PTGIR: variants seen among roughly 807,000 people sequenced by gnomAD.
PTGIR encodes prostacyclin receptor.
In PTGIR, 16 loss-of-function variants were observed where a neutral mutation model predicts 17.6. The observed-to-expected ratio is 0.91, with a 90% CI of 0.61 to 1.38. The LOEUF (loss-of-function observed/expected upper bound fraction) is 1.38. PTGIR is among the 40% of genes most tolerant of loss of function. The probability of loss-of-function intolerance (pLI) is 0.00; values close to 1 mark genes in which losing one functional copy is unlikely to be tolerated. For synonymous variants in PTGIR, 274 were observed against 255.4 expected (o/e 1.07, Z -0.69); for missense variants, 532 against 548.6 (o/e 0.97, Z 0.30).
chr19:46,612,716 G>C, the PTGIR span, among the ~76,000 whole-genome samples: 1 of 152,188 alleles, frequency 6.6e-6, no homozygotes, highest in African/African-American at 2.4e-5. Context: ...TGGCGTCCCA[G>C]TGGTGGGGTC....
the PTGIR span, among the ~76,000 whole-genome samples, chr19:46,612,853 A>C: frequency 6.6e-6 from 1 of 152,122 alleles, no homozygotes; most frequent in Non-Finnish European, 1.5e-5. Context: ...ACTCACTCAC[A>C]AGAGTGAGTC....
downstream of PTGIR, among the ~76,000 whole-genome samples, chr19:46,616,600 G>A (rs1971966551): frequency 1.3e-5 from 2 of 151,978 alleles, no homozygotes; most frequent in African/African-American, 2.4e-5. Flanking sequence ...CCAAAGTGCT[G>A]GGATTACAGG....
intron 1 of PTGIR, 181 bp from the exon 2 acceptor site, chr19:46,624,418 G>C (rs2122360827): frequency 2.1e-6 from 1 of 471,742 alleles, no homozygotes; most frequent in Non-Finnish European, 3.7e-6. Context: ...ATCTCTCTCT[G>C]TCTCTCCCCA....
chr19:46,623,199 G>T, intron 2 of PTGIR: 1 of 360,946 alleles, frequency 2.8e-6, no homozygotes, highest in Non-Finnish European at 5.0e-6. Flanking sequence ...GTTTCATCAT[G>T]TTGGCCAGAC....
Position 46,620,913 on chromosome 19 carries a change from A to G in PTGIR, c.*367T>C, listed in dbSNP as rs769627504. On this transcript the variant is annotated 3_prime_UTR_variant, in exon 3 of 3. Transcript: ENST00000291294. Reference sequence around the variant, plus strand: ...GTGGGCAGTTGGGCCTCCTAAGTGGACGCAGATTGGAGCCAGCACCCAGAC... The same window carrying G: ...GTGGGCAGTTGGGCCTCCTAAGTGGGCGCAGATTGGAGCCAGCACCCAGAC... 28 of 1,004,230 alleles carry G rather than the reference A, an allele frequency of 2.8e-5. No individual in the cohort carries two copies. Among genetic ancestry groups the G allele is most frequent in the Non-Finnish European group, 3.3e-5 (28 of 842,764 alleles). The allele number at this position is 1,004,230 out of a possible 1,614,324, so 62.2% of individuals were successfully genotyped here.
At chr19:46,614,263 T>C in the PTGIR span, 6 of 634,954 alleles carry the variant, frequency 9.4e-6, no homozygotes, top group Non-Finnish European at 1.2e-5. Context: ...AGAGGGTGGC[T>C]CTGGGGCCAC....
Position 46,623,538 on chromosome 19 carries a change from T to C in PTGIR, c.688A>G (p.Thr230Ala). The change falls in exon 2 of 3, where the codon ACC becomes GCC. Residue 230 changes from threonine to alanine, a missense_variant. Coordinates refer to ENST00000291294, the MANE Select transcript of PTGIR (RefSeq NM_000960.4). ...AGGTGGTCCACCTCGTCCTCTCCGG[T>C]GCGCGGCCGTGGACCCAGAGAGCCC... is the stretch of plus-strand genomic sequence containing the variant. The part of the protein sequence containing the change: ...HQGSLGPRPR[T>A]GEDEVDHLIL... The C allele has an allele frequency of 6.4e-7, 1 of 1,559,538 alleles. No homozygotes were observed. Among genetic ancestry groups the C allele is most frequent in the Non-Finnish European group, 8.7e-7 (1 of 1,151,454 alleles).
chr19:46,620,403 A>G (rs1463500220), downstream of PTGIR: 14 of 982,276 alleles, frequency 1.4e-5, no homozygotes, highest in South Asian at 3.8e-4. Context: ...TGCCCAGCCA[A>G]GTATCTGTTG....
At chr19:46,615,497 G>A (rs1355677825), downstream of PTGIR, among the ~76,000 whole-genome samples, 2 of 152,076 alleles carry the variant, frequency 1.3e-5, no homozygotes, top group African/African-American at 4.8e-5. Context: ...TTGTATCTGA[G>A]CTGCTTATTA....
At chr19:46,616,482 C>T (rs971799921), downstream of PTGIR, among the ~76,000 whole-genome samples, 4 of 151,354 alleles carry the variant, frequency 2.6e-5, no homozygotes, top group Admixed American at 2.0e-4. Context: ...TGCAGGTGCC[C>T]GCCACCACAC....
At chr19:46,612,062 G>C in the PTGIR span, among the ~76,000 whole-genome samples, 2 of 152,248 alleles carry the variant, frequency 1.3e-5, no homozygotes, top group Non-Finnish European at 2.9e-5. Context: ...GGAGACATTG[G>C]GAGTGGCAGG....
rs200589666 is a variant in PTGIR at position 46,621,069 on chromosome 19, T to C, written c.*211A>G. 3.3e-4 allele frequency: 417 copies of C among 1,250,830 alleles called. 2 individuals carry two copies. The Middle Eastern group carries it at 4.9e-3, about 15-fold the overall frequency. 77.5% of individuals were successfully genotyped at this position (1,250,830 alleles called of 1,614,324 possible). On this transcript the variant is annotated 3_prime_UTR_variant, in exon 3 of 3. Coordinates refer to ENST00000291294, the MANE Select transcript of PTGIR (RefSeq NM_000960.4). This position sits in a 1 kb window ranked among gnomAD's most constrained non-coding sequence, Gnocchi z 4.8. ...CCACTGGTTATTTTGAGAGAACCAT[T>C]CTTTCTGCACTCCAGGATAAACGTT...
At position 46,623,748 on chromosome 19, in the gene PTGIR, G is replaced by T; in HGVS notation, c.478C>A (p.Gln160Lys). ...FCALPLLGLG[Q>K]HQQYCPGSWC... The stretch of plus-strand genomic sequence containing the variant: ...CTGCCGGGGCAGTACTGCTGGTGTT[G>T]GCCCAGGCCCAGCAGGGGCAGCGCG... The change falls in exon 2 of 3, where the codon CAA becomes AAA. Residue 160 changes from glutamine to lysine, a missense_variant. Physicochemically the swap from Gln to Lys is moderately conservative, Grantham distance 53. Transcript: ENST00000291294. The T allele has an allele frequency of 6.3e-7, 1 of 1,598,976 alleles. No homozygotes were observed.
the PTGIR span, among the ~76,000 whole-genome samples, chr19:46,611,680 G>A: frequency 1.3e-5 from 2 of 152,204 alleles, no homozygotes; most frequent in Non-Finnish European, 2.9e-5. Context: ...GCTGAGGCAG[G>A]AGGATTGCTT....
chr19:46,620,423 A>G (rs201413076), downstream of PTGIR: 94 of 984,904 alleles, frequency 9.5e-5, no homozygotes, highest in African/African-American at 1.6e-3. Context: ...GAATGAATGA[A>G]TGAATGAAAT....
At chr19:46,615,192 A>C in the PTGIR span, among the ~76,000 whole-genome samples, 1 of 152,246 alleles carries the variant, frequency 6.6e-6, no homozygotes, top group African/African-American at 2.4e-5. Context: ...CTCAAAAAAC[A>C]AAACAAAAAA....
In PTGIR at chr19:46,623,761, C is replaced by A; in HGVS notation, c.465G>T (p.Leu155=). The change falls in exon 2 of 3, where the codon CTG becomes CTT. Residue 155 remains leucine (L), a synonymous_variant. Transcript: ENST00000291294. ...ACTGCTGGTGTTGGCCCAGGCCCAG[C>A]AGGGGCAGCGCGCAGAAGAGGACGC... ...AFCVLFCALP[L]LGLGQHQQYC... The A allele has an allele frequency of 6.2e-7, 1 of 1,602,832 alleles. No individual in the cohort carries two copies. The highest frequency in any genetic ancestry group is 8.5e-7 in the Non-Finnish European group (1 of 1,177,268).
Position 46,621,477 on chromosome 19 carries a change from GT to G in PTGIR, c.963del (p.Leu323PhefsTer69), listed in dbSNP as rs777128933. 11 of 1,614,178 alleles carry G rather than the reference GT, an allele frequency of 6.8e-6. No individual in the cohort carries two copies. The highest frequency in any genetic ancestry group is 9.3e-6 in the Non-Finnish European group (11 of 1,180,022). On this transcript the variant is annotated frameshift_variant, in exon 3 of 3. Coordinates refer to ENST00000291294, the MANE Select transcript of PTGIR (RefSeq NM_000960.4). LOFTEE classifies it low-confidence loss of function (END_TRUNC). This position sits in a 1 kb window ranked among gnomAD's most constrained non-coding sequence, Gnocchi z 4.8. ...CTCCCTGAGGCGAGCTGGGAAAGGG[GT>G]GTCTGCGAGTCTCCGTGGGCAGGCC... ...CLGPAHGDSQ[T>X]PLSQLASGRR...
chr19:46,622,273 G>A (rs764571531), intron 2 of PTGIR: 78 of 985,270 alleles, frequency 7.9e-5, no homozygotes, highest in Non-Finnish European at 9.3e-5. Context: ...GGTGGGGCCT[G>A]CTCTGAGGCA....
Sources: gnomAD v4.1 joint callset for allele counts (sites outside exome capture counted in the v4.1 genomes callset) on GRCh38, gnomAD v4.1.1 for gene constraint, Gnocchi (gnomAD v3.1) non-coding constraint, MANE v1.5 for transcripts, NCBI Gene and HGNC (gene_info 2026-07-23, HGNC 2026-07-21) for gene names.